Variants in LUZP2 observed in about 807,000 individuals in gnomAD.
LUZP2 encodes the protein leucine zipper protein 2.
LUZP2 carries 52 observed loss-of-function variants against 51.6 expected under a neutral mutation model. The ratio of observed to expected loss-of-function variants is 1.01; its 90% CI spans 0.81 to 1.27. The LOEUF is 1.27. Ranked by LOEUF, LUZP2 falls within the 50% of genes most tolerant of loss-of-function variation. The probability of loss-of-function intolerance (pLI) is 0.00; values close to 1 mark genes in which losing one functional copy is unlikely to be tolerated. For missense variants in LUZP2, 436 were observed against 395.4 expected (o/e 1.10, Z -0.87); for synonymous variants, 154 against 137.3 (o/e 1.12, Z -0.85).
intron 9 of LUZP2, among the ~76,000 whole-genome samples, chr11:25,026,687 G>A (rs1215062771): frequency 6.6e-6 from 1 of 151,890 alleles, no homozygotes; most frequent in Admixed American, 6.6e-5. Flanking sequence ...TTTTTAAAAG[G>A]TAGCATGATT....
intron 5 of LUZP2, among the ~76,000 whole-genome samples, chr11:24,800,553 A>AAG (rs397725948): frequency 1.4e-5 from 2 of 147,044 alleles, no homozygotes; most frequent in Non-Finnish European, 3.0e-5. Flanking sequence ...AAAAAAAAAA[A>AAG]TACAAAAAAA....
intron 5 of LUZP2, among the ~76,000 whole-genome samples, chr11:24,822,331 G>A (rs1266627550): frequency 6.6e-6 from 1 of 152,066 alleles, no homozygotes; most frequent in East Asian, 1.9e-4. Context: ...TTAGCCTTCT[G>A]AGCACCAGAC....
chr11:25,017,269 A>G (rs1241896258), intron 9 of LUZP2, among the ~76,000 whole-genome samples: 1 of 152,028 alleles, frequency 6.6e-6, no homozygotes, highest in Non-Finnish European at 1.5e-5. Context: ...AAGCTTTTTT[A>G]GTTTACCTAT....
chr11:24,920,017 A>T (rs1162384498), intron 7 of LUZP2, among the ~76,000 whole-genome samples: 1 of 151,852 alleles, frequency 6.6e-6, no homozygotes, highest in African/African-American at 2.4e-5. Context: ...ATAAAGTAAA[A>T]TGATTATTTT....
rs572833133 is a variant in LUZP2, at chr11:25,070,524, A to C, written c.859-6805A>C. 2.5e-3 allele frequency among the ~76,000 whole-genome samples: 332 copies of C among 132,620 alleles called. 2 individuals carry two copies. The highest frequency in any genetic ancestry group is 4.1e-3 in the South Asian group (17 of 4,152). The allele number at this position is 132,620 out of a possible 152,430, so 87.0% of individuals were successfully genotyped here. A position where few individuals can be genotyped will look rare whatever the true frequency, so the allele number is the denominator to read the frequency against. On this transcript the variant is annotated intron_variant, in intron 10 of 11. Coordinates refer to ENST00000336930, the MANE Select transcript of LUZP2 (RefSeq NM_001009909.4). ...ACATTCATAGGGTCTGCCTGTGAGA[A>C]CCTATCAAGAGGAGGTTGTTATATA...
At chr11:24,777,183 C>A (rs572029601) in intron 5 of LUZP2, among the ~76,000 whole-genome samples, 1 of 151,788 alleles carries the variant, frequency 6.6e-6, no homozygotes, top group Non-Finnish European at 1.5e-5. Context: ...TTAGTAGATT[C>A]GGGGTTTCAC....
At chr11:24,597,153 T>C (rs895780449) in intron 1 of LUZP2, among the ~76,000 whole-genome samples, 2 of 152,218 alleles carry the variant, frequency 1.3e-5, no homozygotes, top group South Asian at 4.1e-4. Context: ...TAAAGTGAAG[T>C]GTAAAAATAT....
chr11:25,074,215 A>T lies in LUZP2; in HGVS notation c.859-3114A>T, dbSNP rs141741136. Among the ~76,000 whole-genome samples the T allele has an allele frequency of 8.8e-3, 1,337 of 152,232 alleles. 9 individuals are homozygous for T. The highest frequency in any genetic ancestry group is 0.013 in the Non-Finnish European group (908 of 68,000). ...AAACCCACCCTTTGTGCCTCATCATATTGAGCTCTATTTCAGCAAAGGCTA... is the reference window on the plus strand; with the variant it reads ...AAACCCACCCTTTGTGCCTCATCATTTTGAGCTCTATTTCAGCAAAGGCTA... On this transcript the variant is annotated intron_variant, in intron 10 of 11. Transcript: ENST00000336930.
At chr11:24,858,097 G>A in intron 5 of LUZP2, among the ~76,000 whole-genome samples, 1 of 152,024 alleles carries the variant, frequency 6.6e-6, no homozygotes, top group Middle Eastern at 3.2e-3. Context: ...ATTGTCCCCA[G>A]GGGGGAAGGA....
chr11:24,969,835 C>T (rs1390066678), intron 7 of LUZP2, among the ~76,000 whole-genome samples: 1 of 152,044 alleles, frequency 6.6e-6, no homozygotes, highest in Non-Finnish European at 1.5e-5. Flanking sequence ...GGAGTTATTA[C>T]TCACATTTTA....
chr11:24,563,963 T>C (rs1467114317), intron 1 of LUZP2, among the ~76,000 whole-genome samples: 2 of 152,164 alleles, frequency 1.3e-5, no homozygotes, highest in African/African-American at 2.4e-5. Context: ...TTCTTAGAAG[T>C]TAAAAATTAA....
chr11:24,593,185 C>T (rs2133846193), intron 1 of LUZP2, among the ~76,000 whole-genome samples: 1 of 152,218 alleles, frequency 6.6e-6, no homozygotes, highest in African/African-American at 2.4e-5. Context: ...GCTCCGAACT[C>T]CCTAGCGCTG....
intron 1 of LUZP2, among the ~76,000 whole-genome samples, chr11:24,713,413 C>T (rs1857913508): frequency 6.6e-6 from 1 of 152,066 alleles, no homozygotes; most frequent in Admixed American, 6.6e-5. Flanking sequence ...ATGCCTTTGT[C>T]AACTGGGGGG....
At chr11:24,926,311 ATATATATACGTGTGTG>A in intron 7 of LUZP2, among the ~76,000 whole-genome samples, 1 of 82,310 alleles carries the variant, frequency 1.2e-5, no homozygotes, top group African/African-American at 4.9e-5. Context: ...ATACGTGTGT[ATATATATACGTGTGTG>A]TATATATATA....
intron 7 of LUZP2, among the ~76,000 whole-genome samples, chr11:24,957,379 A>G (rs1244037665): frequency 7.9e-5 from 12 of 152,080 alleles, no homozygotes; most frequent in Admixed American, 7.2e-4. Context: ...AACACTTGAA[A>G]TTACTCTTAG....
intron 1 of LUZP2, among the ~76,000 whole-genome samples, chr11:24,586,513 A>G (rs1211037227): frequency 7.7e-6 from 1 of 129,812 alleles, no homozygotes; most frequent in South Asian, 2.5e-4. Flanking sequence ...CTCCCAATCA[A>G]CTTATTATCT....
At chr11:24,868,995 C>A (rs995277787) in intron 5 of LUZP2, among the ~76,000 whole-genome samples, 6 of 152,114 alleles carry the variant, frequency 3.9e-5, no homozygotes, top group African/African-American at 1.4e-4. Flanking sequence ...AATGTATTTT[C>A]GCTATGTATC....
intron 5 of LUZP2, among the ~76,000 whole-genome samples, chr11:24,769,924 C>G (rs913425101): frequency 9.2e-5 from 14 of 152,188 alleles, no homozygotes; most frequent in African/African-American, 3.4e-4. Flanking sequence ...TCCTAAGTAG[C>G]TAGGACTATA....
At chr11:24,830,822 G>A (rs989455030) in intron 5 of LUZP2, among the ~76,000 whole-genome samples, 7 of 151,526 alleles carry the variant, frequency 4.6e-5, no homozygotes, top group East Asian at 2.0e-4. Flanking sequence ...GTGAAACCCC[G>A]TCTCTACTAA....
Sources: gnomAD v4.1 joint callset for allele counts (sites outside exome capture counted in the v4.1 genomes callset) on GRCh38, gnomAD v4.1.1 for gene constraint, MANE v1.5 for transcripts, NCBI Gene and HGNC (gene_info 2026-07-23, HGNC 2026-07-21) for gene names.